Variants in SACS observed in about 807,000 individuals in gnomAD.
SACS encodes the protein sacsin.
A neutral mutation model predicts 348.0 loss-of-function variants in SACS; 197 were observed. The ratio of observed to expected loss-of-function variants is 0.57; its 90% CI spans 0.50 to 0.64. SACS has a LOEUF of 0.64. Among genes scored for constraint, SACS ranks in the 30% least tolerant of loss-of-function variants. SACS has a pLI of 0.00. For missense variants in SACS, 4,999 were observed against 5,360.8 expected (o/e 0.93, Z 2.11); for synonymous variants, 1,985 against 1,910.6 (o/e 1.04, Z -1.02).
rs1173192809 is a variant in SACS, at chr13:23,332,328, T to C, written c.11548A>G (p.Thr3850Ala). ...CTCAACACTTCAACATATTGCTTAG[T>C]TGAAATAATATCTTCAGTACCTAAG... ...KHLGTEDIIS[T>A]KQYVEVLSRI... The change falls in exon 10 of 10, where the codon ACT becomes GCT. Residue 3850 changes from threonine (T) to alanine (A), a missense_variant. Thr to Ala is a moderately conservative substitution (Grantham distance 58). This residue lies in a region of SACS where 831 missense variants were observed against 941.8 expected (regional missense o/e 0.88). Coordinates refer to ENST00000382292, the MANE Select transcript of SACS (RefSeq NM_014363.6). 1 of 1,613,950 alleles carries C rather than the reference T, an allele frequency of 6.2e-7. No individual in the cohort carries two copies. The highest frequency in any genetic ancestry group is 8.5e-7 in the Non-Finnish European group (1 of 1,179,948).
At chr13:23,417,257 T>G (rs1242639140) in intron 1 of SACS, among the ~76,000 whole-genome samples, 1 of 152,222 alleles carries the variant, frequency 6.6e-6, no homozygotes, top group African/African-American at 2.4e-5. Flanking sequence ...CATTGAAATG[T>G]CAACTCTCCT....
rs773182375 is a variant in SACS at position 23,336,669 on chromosome 13, CAA to C, written c.7205_7206del (p.Leu2402ArgfsTer6). ...CTTTCTTGATCAATAGATTCCAAAA[CAA>C]GAGCAAAATCTTCAACAGTGCATGA... ...RQSCTVEDFA[L>X]VLESIDQERG... On this transcript the variant is annotated frameshift_variant, in exon 10 of 10. Coordinates refer to ENST00000382292, the MANE Select transcript of SACS (RefSeq NM_014363.6). LOFTEE classifies it high-confidence loss of function. The C allele has an allele frequency of 1.9e-5, 30 of 1,613,698 alleles. No homozygotes were observed. Among genetic ancestry groups the C allele is most frequent in the Non-Finnish European group, 2.3e-5 (27 of 1,179,878 alleles).
chr13:23,364,437 C>CATGG (rs1555255239), intron 6 of SACS, among the ~76,000 whole-genome samples: 1 of 152,000 alleles, frequency 6.6e-6, no homozygotes, highest in Admixed American at 6.6e-5. Flanking sequence ...TCTGCCACCA[C>CATGG]GCCCAGCTAA....
Position 23,339,172 on chromosome 13 carries a change from G to A in SACS, c.4704C>T (p.Asp1568=). The part of the protein sequence containing the change: ...LGFNSVYHIT[D]IPIIMSREFM... ...ATTCCCGACTCATAATGATGGGAAT[G>A]TCAGTGATATGGTACACAGAATTAA... Residue 1568 remains aspartate (D), a synonymous_variant, in exon 10 of 10, where the codon GAC becomes GAT. Coordinates refer to ENST00000382292, the MANE Select transcript of SACS (RefSeq NM_014363.6). 1.2e-6 allele frequency: 2 copies of A among 1,612,954 alleles called. No individual in the cohort carries two copies. The highest frequency in any genetic ancestry group is 2.7e-5 in the African/African-American group (2 of 75,012).
At chr13:23,394,758 G>A (rs1872648318) in intron 2 of SACS, among the ~76,000 whole-genome samples, 1 of 152,190 alleles carries the variant, frequency 6.6e-6, no homozygotes, top group Non-Finnish European at 1.5e-5. Flanking sequence ...GGGAGGCTGA[G>A]GCAGGAGAAT....
chr13:23,340,348 A>C lies in SACS; in HGVS notation c.3528T>G (p.Asp1176Glu), dbSNP rs1473015204. 6.2e-7 allele frequency: 1 copy of C among 1,613,794 alleles called. No homozygotes were observed. The highest frequency in any genetic ancestry group is 8.5e-7 in the Non-Finnish European group (1 of 1,179,946). The change falls in exon 10 of 10, where the codon GAT (aspartate) becomes GAG (glutamate). Residue 1176 changes from aspartate (D) to glutamate (E), a missense_variant. By Grantham distance (45) the Asp-to-Glu change is conservative. This residue lies in a region of SACS where 3,156 missense variants were observed against 3,380.1 expected (regional missense o/e 0.93). Transcript: ENST00000382292. ...NYPGSLVWKG[D>E]LCNLCAPPDM... ...CTGGTGGTGCACAGAGATTACAGAGATCTCCTTTCCAGACCAAAGAGCCTG... is the reference window on the plus strand; with the variant it reads ...CTGGTGGTGCACAGAGATTACAGAGCTCTCCTTTCCAGACCAAAGAGCCTG...
chr13:23,404,137 C>T (rs1321464423), intron 2 of SACS, among the ~76,000 whole-genome samples: 2 of 152,146 alleles, frequency 1.3e-5, no homozygotes, highest in Admixed American at 6.5e-5. Context: ...CGTTCTTTTG[C>T]ATTTGCTGAG....
chr13:23,407,742 C>T (rs1378997825), intron 2 of SACS, among the ~76,000 whole-genome samples: 1 of 152,178 alleles, frequency 6.6e-6, no homozygotes, highest in Non-Finnish European at 1.5e-5. Flanking sequence ...CTCTTTTTGA[C>T]ACGGCATTGT....
At chr13:23,346,184 C>T (rs1009148107) in intron 9 of SACS, among the ~76,000 whole-genome samples, 16 of 152,186 alleles carry the variant, frequency 1.1e-4, no homozygotes, top group African/African-American at 3.4e-4. Flanking sequence ...CCCGCTCTGT[C>T]GCCCAGGCTG....
intron 9 of SACS, chr13:23,346,867 G>A (rs1394832330): frequency 1.0e-6 from 1 of 960,186 alleles, no homozygotes; most frequent in Non-Finnish European, 1.2e-6. Flanking sequence ...ATTCTTAGAA[G>A]AGGTCAGAAT....
At chr13:23,354,104 T>C (rs1474780573) in intron 8 of SACS, among the ~76,000 whole-genome samples, 1 of 152,248 alleles carries the variant, frequency 6.6e-6, no homozygotes, top group Non-Finnish European at 1.5e-5. Context: ...ATTCTCAACA[T>C]CTTACAGTAA....
rs1874159065 is a variant in SACS, at chr13:23,426,041, T to TTTCA, written c.-502+7570_-502+7573dup. 6.6e-6 allele frequency among the ~76,000 whole-genome samples: 1 copy of TTTCA among 152,258 alleles called. No homozygotes were observed. Among genetic ancestry groups the TTTCA allele is most frequent in the South Asian group, 2.1e-4 (1 of 4,822 alleles). ...TAGTGATTTGGTAGGGAATTGTGAA[T>TTTCA]TTCATTATACAGAGAAGGAAACTGG... On this transcript the variant is annotated intron_variant, in intron 1 of 9. Transcript: ENST00000382292.
rs77894865 is a variant in SACS, at chr13:23,425,040, G to C, written c.-502+8575C>G. ...CCATCGGGGGCCTGGGCGTGAGCCTGGTGCTTGGTGTACACCTCAAGTCGA... is the reference window on the plus strand; with the variant it reads ...CCATCGGGGGCCTGGGCGTGAGCCTCGTGCTTGGTGTACACCTCAAGTCGA... On this transcript the variant is annotated intron_variant, in intron 1 of 9. Transcript: ENST00000382292. Among the ~76,000 whole-genome samples, 1,232 of 152,326 alleles carry C rather than the reference G, an allele frequency of 8.1e-3. 18 individuals carry two copies. The highest frequency in any genetic ancestry group is 0.028 in the African/African-American group (1,152 of 41,558).
At chr13:23,406,271 A>C (rs1367245608) in intron 2 of SACS, among the ~76,000 whole-genome samples, 1 of 152,140 alleles carries the variant, frequency 6.6e-6, no homozygotes, top group South Asian at 2.1e-4. Flanking sequence ...CAGCAAACTA[A>C]CACAGGAACA....
intron 6 of SACS, among the ~76,000 whole-genome samples, chr13:23,358,749 AAGG>A (rs1870548774): frequency 6.6e-6 from 1 of 152,228 alleles, no homozygotes; most frequent in African/African-American, 2.4e-5. Context: ...CCAAAAACAT[AAGG>A]CAAACAAGAA....
chr13:23,416,544 G>A (rs1196362760), intron 1 of SACS, among the ~76,000 whole-genome samples: 1 of 152,012 alleles, frequency 6.6e-6, no homozygotes, highest in Non-Finnish European at 1.5e-5. Flanking sequence ...GATCACTTAG[G>A]CCCAGGAGTT....
chr13:23,429,344 G>GTTT (rs1566116540), intron 1 of SACS, among the ~76,000 whole-genome samples: 10 of 65,402 alleles, frequency 1.5e-4, no homozygotes, highest in Non-Finnish European at 3.8e-4. Flanking sequence ...TTGAGGTAGG[G>GTTT]ATTTTTTTTT....
rs777937781 is a variant in SACS at position 23,332,912 on chromosome 13, CATAAGA to C, written c.10958_10963del (p.Phe3653_Leu3654del). On this transcript the variant is annotated inframe_deletion, in exon 10 of 10. Transcript: ENST00000382292. ...GAATTCCGCGGGGGCCCGCTCAGGA[CATAAGA>C]ATGGTATTAAAGATAGTTCTTTCAG... The C allele has an allele frequency of 6.2e-7, 1 of 1,613,918 alleles. No homozygotes were observed. Among genetic ancestry groups the C allele is most frequent in the Non-Finnish European group, 8.5e-7 (1 of 1,179,934 alleles).
chr13:23,384,910 T>A lies in SACS; in HGVS notation c.21-9641A>T, dbSNP rs370348780. On this transcript the variant is annotated intron_variant, in intron 2 of 9. Coordinates refer to ENST00000382292, the MANE Select transcript of SACS (RefSeq NM_014363.6). ...TTGTTTTCCCGGTGCAGATAAAAGTTATGTTTATACACTATACTATAGTCT... is the reference window on the plus strand; with the variant it reads ...TTGTTTTCCCGGTGCAGATAAAAGTAATGTTTATACACTATACTATAGTCT... 7.9e-4 allele frequency among the ~76,000 whole-genome samples: 121 copies of A among 152,318 alleles called. 1 individual carries two copies. The highest frequency in any genetic ancestry group is 2.6e-3 in the African/African-American group (110 of 41,568).
Sources: gnomAD v4.1 joint callset for allele counts (sites outside exome capture counted in the v4.1 genomes callset) on GRCh38, gnomAD v4.1.1 for gene constraint, gnomAD v4.1.1 regional missense constraint, MANE v1.5 for transcripts, NCBI Gene and HGNC (gene_info 2026-07-23, HGNC 2026-07-21) for gene names.